FAIM2: variants seen among roughly 807,000 people sequenced by gnomAD.
FAIM2 encodes the protein protein lifeguard 2.
A neutral mutation model predicts 47.4 loss-of-function variants in FAIM2; 27 were observed. The ratio of observed to expected loss-of-function variants is 0.57; its 90% CI spans 0.42 to 0.78. The LOEUF (loss-of-function observed/expected upper bound fraction) is 0.78, where lower values mean the gene tolerates loss of function less well. Ranked by LOEUF, FAIM2 falls within the 30% of genes least tolerant of loss-of-function variation. The pLI is 0.00. For synonymous variants in FAIM2, 156 were observed against 159.3 expected (o/e 0.98, Z 0.16); for missense variants, 311 against 389.4 (o/e 0.80, Z 1.69).
intron 11 of FAIM2, among the ~76,000 whole-genome samples, chr12:49,872,988 T>A (rs1388974441): frequency 2.0e-5 from 3 of 152,224 alleles, no homozygotes; most frequent in African/African-American, 7.2e-5. Context: ...CTTGAGGACA[T>A]GCACGTGCTA....
At position 49,889,547 on chromosome 12, in the gene FAIM2, C is replaced by T. The variant is rs1353561943; in HGVS notation, c.585G>A (p.Val195=). ...MLSSYYNTTS[V]LLCLGITALV... ...GGGCCGTGATGCCCAGGCACAGCAG[C>T]ACGGAGGTGGTGTTGTAGTAGCTGA... is the stretch of plus-strand genomic sequence containing the variant. The change falls in exon 9 of 12, where the codon GTG becomes GTA. Residue 195 remains valine (V), a synonymous_variant. Transcript: ENST00000320634. The T allele has an allele frequency of 6.2e-7, 1 of 1,614,090 alleles. No homozygotes were observed. The highest frequency in any genetic ancestry group is 1.7e-5 in the Admixed American group (1 of 60,026).
At chr12:49,887,475 G>A (rs1159018786) in intron 10 of FAIM2, 36 bp from the exon 11 acceptor site, 1 of 1,588,594 alleles carries the variant, frequency 6.3e-7, no homozygotes, top group Non-Finnish European at 8.6e-7. Flanking sequence ...GGGACGACAA[G>A]AAGGGGCAGC....
At chr12:49,879,974 A>G (rs1265256032) in intron 11 of FAIM2, among the ~76,000 whole-genome samples, 3 of 74,690 alleles carry the variant, frequency 4.0e-5, no homozygotes, top group African/African-American at 6.0e-5. Context: ...ATGTGTGTGT[A>G]TATGTGAGTG....
rs1218043472 is a variant in FAIM2, at chr12:49,901,317, C to T, written c.24G>A (p.Val8=). 6.3e-7 allele frequency: 1 copy of T among 1,586,290 alleles called. No homozygotes were observed. Among genetic ancestry groups the T allele is most frequent in the African/African-American group, 1.4e-5 (1 of 73,214 alleles). The change falls in exon 2 of 12, where the codon GTG becomes GTA. Residue 8 remains valine, a synonymous_variant. Transcript: ENST00000320634. MTQGKLS[V]ANKAPGTEGQ... is the part of the protein sequence containing the mutation. ...CCTCGGTCCCAGGGGCCTTGTTAGC[C>T]ACGGAGAGCTATGGAGTAGAGTCAG...
chr12:49,893,494 T>C (rs1946914872), intron 5 of FAIM2, among the ~76,000 whole-genome samples: 1 of 152,184 alleles, frequency 6.6e-6, no homozygotes, highest in Non-Finnish European at 1.5e-5. Flanking sequence ...CTGCAACTTA[T>C]CAGTTTTCTA....
At chr12:49,877,818 ATGTGTG>A (rs1297798729) in intron 11 of FAIM2, among the ~76,000 whole-genome samples, 2 of 149,484 alleles carry the variant, frequency 1.3e-5, no homozygotes, top group Admixed American at 1.3e-4. Context: ...GCGTATGTGT[ATGTGTG>A]TCTATGTGCG....
intron 5 of FAIM2, among the ~76,000 whole-genome samples, chr12:49,894,627 G>C (rs1217756767): frequency 6.6e-6 from 1 of 152,214 alleles, no homozygotes; most frequent in Non-Finnish European, 1.5e-5. Flanking sequence ...GGACAGGGAA[G>C]TAAGGCTCAG....
intron 11 of FAIM2, among the ~76,000 whole-genome samples, chr12:49,879,242 ATG>A (rs572093097): frequency 0.074 from 9,270 of 124,474 alleles, 2,189 homozygotes; most frequent in African/African-American, 0.24. Flanking sequence ...GTATGCATGC[ATG>A]TGTGTGCATG....
At chr12:49,877,204 A>AG (rs111250015) in intron 11 of FAIM2, among the ~76,000 whole-genome samples, 2,371 of 152,180 alleles carry the variant, frequency 0.016, 67 homozygotes, top group African/African-American at 0.054. Flanking sequence ...TCCTCCTGTC[A>AG]GGTTTGAGCA....
At chr12:49,890,865 G>A in intron 6 of FAIM2, 143 bp from the exon 7 acceptor site, 1 of 878,938 alleles carries the variant, frequency 1.1e-6, no homozygotes, top group Non-Finnish European at 1.9e-6. Context: ...ATCCCCATTT[G>A]CTCCCTTCTC....
At chr12:49,897,761 C>T (rs1027700013) in intron 3 of FAIM2, among the ~76,000 whole-genome samples, 178 bp from the exon 4 acceptor site, 2 of 123,420 alleles carry the variant, frequency 1.6e-5, no homozygotes, top group Admixed American at 1.5e-4. Context: ...CAGAGCCAAG[C>T]GCACCCCCCC....
At chr12:49,879,841 T>C (rs1450842764) in intron 11 of FAIM2, among the ~76,000 whole-genome samples, 1 of 151,488 alleles carries the variant, frequency 6.6e-6, no homozygotes, top group Non-Finnish European at 1.5e-5. Flanking sequence ...CGTGCATGTG[T>C]GAGTGTATGT....
intron 5 of FAIM2, 120 bp downstream of exon 5, chr12:49,896,911 C>T (rs1946941582): frequency 1.2e-6 from 1 of 817,530 alleles, no homozygotes; most frequent in Non-Finnish European, 2.1e-6. Context: ...TCTGTGAGGA[C>T]AGTCCCTGTG....
chr12:49,870,367 G>A lies in FAIM2; in HGVS notation c.*137C>T. On this transcript the variant is annotated 3_prime_UTR_variant, in exon 12 of 12. Transcript: ENST00000320634. ...TGTACAAGCGGCAGAGGGCTGGGCTGGGCTGGGGTAGACAGTGACCTGGCC... is the reference window on the plus strand; with the variant it reads ...TGTACAAGCGGCAGAGGGCTGGGCTAGGCTGGGGTAGACAGTGACCTGGCC... The A allele has an allele frequency of 2.6e-6, 2 of 782,170 alleles. No homozygotes were observed. Among genetic ancestry groups the A allele is most frequent in the Middle Eastern group, 3.7e-4 (1 of 2,720 alleles). The allele number at this position is 782,170 out of a possible 1,614,324, so 48.5% of individuals were successfully genotyped here.
At chr12:49,898,948 A>C (rs1946961818) in intron 2 of FAIM2, among the ~76,000 whole-genome samples, 1 of 152,106 alleles carries the variant, frequency 6.6e-6, no homozygotes, top group South Asian at 2.1e-4. Flanking sequence ...GAGGGGAAAT[A>C]AAGCCAGGAC....
At position 49,870,629 on chromosome 12, in the gene FAIM2, G is replaced by A. The variant is rs1946695798; in HGVS notation, c.826C>T (p.Leu276=). Residue 276 remains leucine, a synonymous_variant, in exon 12 of 12, where the codon CTG becomes TTG. Transcript: ENST00000320634. The part of the protein sequence containing the change: ...TLFLALDTQL[L]MGNRRHSLSP... ...AGCGAGTGGCGTCGGTTACCCATCA[G>A]CAACTGGGTGTCAAGTGCCAGGAAC... 6.2e-7 allele frequency: 1 copy of A among 1,614,036 alleles called. No homozygotes were observed. The highest frequency in any genetic ancestry group is 8.5e-7 in the Non-Finnish European group (1 of 1,179,994).
At chr12:49,880,623 C>T (rs1370082684) in intron 11 of FAIM2, among the ~76,000 whole-genome samples, 1 of 61,394 alleles carries the variant, frequency 1.6e-5, no homozygotes, top group Non-Finnish European at 2.9e-5. Flanking sequence ...AGTGTATGTG[C>T]ATGTGTGTAT....
intron 5 of FAIM2, among the ~76,000 whole-genome samples, chr12:49,893,285 C>T (rs1262146925): frequency 6.6e-6 from 1 of 152,040 alleles, no homozygotes; most frequent in Non-Finnish European, 1.5e-5. Flanking sequence ...CTCATCACAA[C>T]CTGCTGTGCT....
At chr12:49,897,452 G>A in intron 4 of FAIM2, 67 bp downstream of exon 4, 1 of 1,438,950 alleles carries the variant, frequency 6.9e-7, no homozygotes, top group Non-Finnish European at 9.8e-7. Context: ...GTCTGATCAT[G>A]GGTTCCCCGG....
Sources: allele counts gnomAD v4.1 joint callset (sites outside exome capture counted in the v4.1 genomes callset), GRCh38; gene constraint gnomAD v4.1.1; transcripts MANE v1.5; gene names NCBI Gene and HGNC (gene_info 2026-07-23, HGNC 2026-07-21).